DST: variants seen among roughly 807,000 people sequenced by gnomAD.
The protein encoded by DST is dystonin.
A neutral mutation model predicts 875.2 loss-of-function variants in DST; 253 were observed. The observed-to-expected ratio is 0.29, with a 90% CI of 0.26 to 0.32. DST has a LOEUF of 0.32. Among genes scored for constraint, DST ranks in the 10% least tolerant of loss-of-function variants. The pLI, the probability that DST is intolerant of heterozygous loss-of-function variation, is 1.00. For synonymous variants in DST, 3,124 were observed against 3,197.1 expected (o/e 0.98, Z 0.77); for missense variants, 8,287 against 9,111.6 (o/e 0.91, Z 3.68).
chr6:56,718,124 G>C (rs1370870683), intron 5 of DST, among the ~76,000 whole-genome samples: 3 of 152,098 alleles, frequency 2.0e-5, no homozygotes, highest in Non-Finnish European at 4.4e-5. Flanking sequence ...TGTACCGGTA[G>C]TTCCAGCTAC....
intron 4 of DST, among the ~76,000 whole-genome samples, chr6:56,845,893 C>T (rs1012599774): frequency 6.6e-6 from 1 of 152,170 alleles, no homozygotes; most frequent in Non-Finnish European, 1.5e-5. Flanking sequence ...CCCATGCATT[C>T]TTGGAAGGGT....
intron 3 of DST, chr6:56,852,124 C>T: frequency 9.4e-6 from 9 of 957,166 alleles, no homozygotes; most frequent in Non-Finnish European, 1.1e-5. Flanking sequence ...TCCGTTCTGA[C>T]CAGTTTTAAG....
At chr6:56,569,797 C>A in intron 54 of DST, 59 bp downstream of exon 54, 1 of 1,463,174 alleles carries the variant, frequency 6.8e-7, no homozygotes, top group Non-Finnish European at 9.4e-7. Context: ...TACCATTAGT[C>A]TTTTAATCTT....
intron 4 of DST, among the ~76,000 whole-genome samples, chr6:56,799,186 G>A (rs1175446939): frequency 6.6e-6 from 1 of 152,096 alleles, no homozygotes; most frequent in Non-Finnish European, 1.5e-5. Flanking sequence ...TCTACTGTGG[G>A]TAAAATGCTA....
rs771297105 is a variant in DST at position 56,627,219 on chromosome 6, G to C, written c.4707C>G (p.Tyr1569Ter). ...MDECQKYAEQ[Y>*]SATVKDYELQ... ...ATCTTCCTACCTTCACTGTAGCTGA[G>C]TACTGTTCTGCATATTTTTGACACT... is the stretch of plus-strand genomic sequence containing the variant. The change falls in exon 34 of 104, where the codon TAC becomes TAG. Residue 1569 changes from tyrosine (Y) to a stop codon, truncating the protein, a stop_gained. Coordinates refer to ENST00000680361, the MANE Select transcript of DST (RefSeq NM_001374736.1). LOFTEE classifies it high-confidence loss of function. The C allele has an allele frequency of 6.2e-7, 1 of 1,611,028 alleles. No individual in the cohort carries two copies. Among genetic ancestry groups the C allele is most frequent in the East Asian group, 2.2e-5 (1 of 44,852 alleles).
At position 56,463,027 on chromosome 6, in the gene DST, C is replaced by T; in HGVS notation, c.23070+19G>A. The T allele has an allele frequency of 1.4e-6, 2 of 1,451,572 alleles. No individual in the cohort carries two copies. Among genetic ancestry groups the T allele is most frequent in the Non-Finnish European group, 1.9e-6 (2 of 1,037,524 alleles). The allele number at this position is 1,451,572 out of a possible 1,614,324, so 89.9% of individuals were successfully genotyped here. ...GTTAAAGGAGAATGTTAAGACTGGA[C>T]TCTGGGGCCTTACAATACCTCTGCA... On this transcript the variant is annotated intron_variant, in intron 102 of 103. Coordinates refer to ENST00000680361, the MANE Select transcript of DST (RefSeq NM_001374736.1).
Position 56,529,519 on chromosome 6 carries a change from C to A in DST, c.17524G>T (p.Asp5842Tyr). The change falls in exon 66 of 104, where the codon GAC (aspartate) becomes TAC (tyrosine). Residue 5842 changes from aspartate (D) to tyrosine (Y), a missense_variant. Coordinates refer to ENST00000680361, the MANE Select transcript of DST (RefSeq NM_001374736.1). Reference sequence around the variant, plus strand: ...TGGACTGAGAGCTTGCTCAGTTTGTCATGCACTTCATTCAGCCAGTTCATC... The same window carrying A: ...TGGACTGAGAGCTTGCTCAGTTTGTAATGCACTTCATTCAGCCAGTTCATC... ...ELMNWLNEVH[D>Y]KLSKLSVQDY... is the part of the protein sequence containing the mutation. 6.2e-7 allele frequency: 1 copy of A among 1,612,658 alleles called. No individual in the cohort carries two copies.
intron 4 of DST, chr6:56,843,280 A>G: frequency 8.0e-7 from 1 of 1,250,662 alleles, no homozygotes; most frequent in Non-Finnish European, 1.0e-6. Flanking sequence ...AGAAGCACGG[A>G]AGCCGAAGAC....
Position 56,796,880 on chromosome 6 carries a change from G to A in DST, c.625+54517C>T, listed in dbSNP as rs116131026. 3.5e-3 allele frequency among the ~76,000 whole-genome samples: 539 copies of A among 152,250 alleles called. 2 individuals carry two copies. Among genetic ancestry groups the A allele is most frequent in the Admixed American group, 6.9e-3 (105 of 15,298 alleles). Reference sequence around the variant, plus strand: ...ATTTTAACAGGAATTAAGAGCAAATGTCTGCAGTTTGCATATTTTTCTAAA... The same window carrying A: ...ATTTTAACAGGAATTAAGAGCAAATATCTGCAGTTTGCATATTTTTCTAAA... On this transcript the variant is annotated intron_variant, in intron 4 of 103. Coordinates refer to ENST00000680361, the MANE Select transcript of DST (RefSeq NM_001374736.1).
At chr6:56,936,566 T>G (rs139005497) in intron 2 of DST, among the ~76,000 whole-genome samples, 1,764 of 152,234 alleles carry the variant, frequency 0.012, 32 homozygotes, top group East Asian at 0.039. Context: ...CACTCATTTT[T>G]TTTTCTTTTC....
chr6:56,585,777 A>T, intron 49 of DST, among the ~76,000 whole-genome samples: 1 of 151,338 alleles, frequency 6.6e-6, no homozygotes, highest in East Asian at 1.9e-4. Context: ...TGTGTCCCAG[A>T]GATTCTGGTA....
rs748412527 is a variant in DST at position 56,472,211 on chromosome 6, G to C, written c.22006C>G (p.Pro7336Ala). 7 of 1,613,590 alleles carry C rather than the reference G, an allele frequency of 4.3e-6. No homozygotes were observed. The Admixed American group carries it at 5.0e-5, about 12-fold the overall frequency. ...DKGRAGRKRF[P>A]ASSLYPSGSQ... is the part of the protein sequence containing the mutation. ...CCAGAGGGATACAAGCTTGATGCTG[G>C]AAAGCGTTTTCCTGTGAAGGTATAA... The change falls in exon 94 of 104, where the codon CCA (proline) becomes GCA (alanine). Residue 7336 changes from proline to alanine, a missense_variant. Coordinates refer to ENST00000680361, the MANE Select transcript of DST (RefSeq NM_001374736.1).
At chr6:56,721,038 AGACAGGGCAGCTG>A (rs2099413436) in intron 5 of DST, among the ~76,000 whole-genome samples, 2 of 147,096 alleles carry the variant, frequency 1.4e-5, no homozygotes, top group Admixed American at 6.7e-5. Context: ...TCCGCCTCCC[AGACAGGGCAGCTG>A]CCGGGCAGGG....
intron 72 of DST, among the ~76,000 whole-genome samples, chr6:56,514,717 G>A (rs2096556858): frequency 6.6e-6 from 1 of 151,992 alleles, no homozygotes; most frequent in African/African-American, 2.4e-5. Flanking sequence ...TAAATAGCAA[G>A]AAATCTAGTT....
chr6:56,807,007 G>A (rs937688472), intron 4 of DST, among the ~76,000 whole-genome samples: 5 of 152,018 alleles, frequency 3.3e-5, no homozygotes, highest in African/African-American at 4.8e-5. Flanking sequence ...TATATACTAC[G>A]TTCATAGATC....
At chr6:56,466,372 G>A (rs2094576417) in intron 98 of DST, 177 bp from the exon 99 acceptor site, 1 of 401,284 alleles carries the variant, frequency 2.5e-6, no homozygotes, top group African/African-American at 2.0e-5. Flanking sequence ...GCTGCATGCT[G>A]ATTTAGCCCA....
Position 56,476,332 on chromosome 6 carries a change from C to T in DST, c.21681G>A (p.Leu7227=). 2 of 1,564,340 alleles carry T rather than the reference C, an allele frequency of 1.3e-6. No individual in the cohort carries two copies. The highest frequency in any genetic ancestry group is 2.7e-5 in the African/African-American group (2 of 73,298). ...TIIRARFEEV[L]AWAKQHQQRL... ...TCTGCTGATGTTGCTTTGCCCAGGC[C>T]AGCACCTGTCAGAGAAACAGAAATT... Residue 7227 remains leucine, a synonymous_variant, in exon 92 of 104, where the codon CTG becomes CTA. Transcript: ENST00000680361.
rs531343801 is a variant in DST, at chr6:56,601,520, C to T, written c.11464G>A (p.Val3822Ile). The T allele has an allele frequency of 6.2e-7, 1 of 1,606,336 alleles. No individual in the cohort carries two copies. Among genetic ancestry groups the T allele is most frequent in the Non-Finnish European group, 8.5e-7 (1 of 1,176,612 alleles). Residue 3822 changes from valine (V) to isoleucine (I), a missense_variant, in exon 44 of 104, where the codon GTA becomes ATA. Around this residue, in one of 10 missense-constraint regions of DST, gnomAD observed 3,138 missense variants for 3,116.6 expected, o/e 1.01. Transcript: ENST00000680361. Reference sequence around the variant, plus strand: ...ACCTGGGTAGTTACTGACTCCTGTACATCAAGAAAACACTTCTGAGTTGTA... The same window carrying T: ...ACCTGGGTAGTTACTGACTCCTGTATATCAAGAAAACACTTCTGAGTTGTA... The part of the protein sequence containing the change: ...LNTTQKCFLD[V>I]QESVTTQVER...
chr6:56,739,631 T>C (rs1389700101), intron 4 of DST, among the ~76,000 whole-genome samples: 1 of 152,120 alleles, frequency 6.6e-6, no homozygotes, highest in Non-Finnish European at 1.5e-5. Flanking sequence ...CAGCACAAGA[T>C]ACAGGTCATA....
Sources: gnomAD v4.1 joint callset for allele counts (sites outside exome capture counted in the v4.1 genomes callset) on GRCh38, gnomAD v4.1.1 for gene constraint, gnomAD v4.1.1 regional missense constraint, MANE v1.5 for transcripts, NCBI Gene and HGNC (gene_info 2026-07-23, HGNC 2026-07-21) for gene names.